The following FNBP4 variants were observed in gnomAD, a reference collection of about 807,000 sequenced individuals.
The protein encoded by FNBP4 is formin binding protein 4, also known as formin-binding protein 4.
A neutral mutation model predicts 119.3 loss-of-function variants in FNBP4; 34 were observed. That is an observed-to-expected ratio of 0.28 (90% CI 0.22 to 0.38). The LOEUF (loss-of-function observed/expected upper bound fraction) is 0.38. FNBP4 is among the 10% of genes least tolerant of loss of function. The pLI, the probability that FNBP4 is intolerant of heterozygous loss-of-function variation, is 1.00. For synonymous variants in FNBP4, 462 were observed against 430.6 expected (o/e 1.07, Z -0.90); for missense variants, 1,112 against 1,228.9 (o/e 0.90, Z 1.42).
intron 2 of FNBP4, among the ~76,000 whole-genome samples, chr11:47,760,485 G>A (rs552398732): frequency 1.1e-4 from 17 of 150,194 alleles, no homozygotes; most frequent in South Asian, 6.3e-4. Flanking sequence ...AGGCTGGAGC[G>A]CAGCAGCACA....
intron 1 of FNBP4, among the ~76,000 whole-genome samples, chr11:47,766,518 G>A (rs1000966793): frequency 1.1e-4 from 17 of 152,194 alleles, no homozygotes; most frequent in African/African-American, 4.1e-4. Context: ...TAGTCCTGGA[G>A]TCACTTTTAA....
intron 12 of FNBP4, among the ~76,000 whole-genome samples, chr11:47,728,671 G>A (rs528680895): frequency 1.5e-3 from 222 of 151,944 alleles, no homozygotes; most frequent in African/African-American, 4.9e-3. Flanking sequence ...CAAGTAGCTA[G>A]GACCACATAC....
At chr11:47,752,863 A>G (rs774193728) in intron 4 of FNBP4, 53 bp downstream of exon 4, 10 of 1,451,392 alleles carry the variant, frequency 6.9e-6, no homozygotes, top group Non-Finnish European at 9.5e-6. Flanking sequence ...GTGAATGCCT[A>G]GAATCCCTTT....
chr11:47,737,196 A>C (rs2097575466), intron 8 of FNBP4, among the ~76,000 whole-genome samples: 1 of 150,678 alleles, frequency 6.6e-6, no homozygotes, highest in Admixed American at 6.6e-5. Flanking sequence ...ATCTCAAAAA[A>C]TAAATAAATA....
Position 47,734,830 on chromosome 11 carries a change from G to A in FNBP4, c.1582-701C>T, listed in dbSNP as rs535115823. ...TCTACTAAAAATACAAAAATTAGGT[G>A]AGGATGGTGGTGCACACCTGTAGTC... On this transcript the variant is annotated intron_variant, in intron 9 of 16. Transcript: ENST00000263773. 2.6e-5 allele frequency among the ~76,000 whole-genome samples: 4 copies of A among 152,006 alleles called. No homozygotes were observed. The South Asian group carries it at 8.3e-4, about 31-fold the overall frequency.
At position 47,731,495 on chromosome 11, in the gene FNBP4, A is replaced by G. The variant is rs746260536; in HGVS notation, c.1887T>C (p.Gly629=). Reference sequence around the variant, plus strand: ...CTTGGCTTTCTTCTTCTTCCTCTTCACCATCTGGAAACTCCCACTGAGACT... The same window carrying G: ...CTTGGCTTTCTTCTTCTTCCTCTTCGCCATCTGGAAACTCCCACTGAGACT... The part of the protein sequence containing the change: ...SGESQWEFPD[G]EEEEEESQAQ... The change falls in exon 12 of 17, where the codon GGT becomes GGC. Residue 629 remains glycine (G), a synonymous_variant. Coordinates refer to ENST00000263773, the MANE Select transcript of FNBP4 (RefSeq NM_015308.5). The G allele has an allele frequency of 6.2e-7, 1 of 1,613,602 alleles. No homozygotes were observed. The highest frequency in any genetic ancestry group is 2.2e-5 in the East Asian group (1 of 44,844).
chr11:47,722,533 G>A (rs761873728), intron 15 of FNBP4, among the ~76,000 whole-genome samples: 15 of 152,034 alleles, frequency 9.9e-5, no homozygotes, highest in Non-Finnish European at 2.2e-4. Flanking sequence ...CAGCACTTGA[G>A]ACAAACAGAT....
intron 2 of FNBP4, among the ~76,000 whole-genome samples, chr11:47,763,370 CG>C (rs1327618348): frequency 1.3e-5 from 2 of 149,078 alleles, no homozygotes; most frequent in African/African-American, 4.9e-5. Context: ...CACTTCAACC[CG>C]GGAGGCAGAG....
chr11:47,742,388 G>C (rs2097583228), intron 8 of FNBP4, among the ~76,000 whole-genome samples: 1 of 130,700 alleles, frequency 7.7e-6, no homozygotes. Flanking sequence ...CTGAGGCAGA[G>C]AATTGCTTGA....
chr11:47,761,131 T>C (rs2097633386), intron 2 of FNBP4, among the ~76,000 whole-genome samples: 1 of 152,092 alleles, frequency 6.6e-6, no homozygotes, highest in African/African-American at 2.4e-5. Context: ...ACATGAAATA[T>C]TACTAAAGGG....
intron 12 of FNBP4, chr11:47,725,693 G>A: frequency 4.0e-6 from 3 of 745,572 alleles, no homozygotes; most frequent in Non-Finnish European, 4.9e-6. Flanking sequence ...TCTTTTCTCT[G>A]CTGGGAAAAC....
chr11:47,757,631 T>C lies in FNBP4; in HGVS notation c.314-2967A>G, dbSNP rs141287086. Reference sequence around the variant, plus strand: ...GCCTCAGCCTCCCGAGTAGCTGGGATTACAGGTGTGCACCACCACACCTGG... The same window carrying C: ...GCCTCAGCCTCCCGAGTAGCTGGGACTACAGGTGTGCACCACCACACCTGG... On this transcript the variant is annotated intron_variant, in intron 2 of 16. Coordinates refer to ENST00000263773, the MANE Select transcript of FNBP4 (RefSeq NM_015308.5). Among the ~76,000 whole-genome samples the C allele has an allele frequency of 1.7e-3, 261 of 152,060 alleles. 1 individual carries two copies. Among genetic ancestry groups the C allele is most frequent in the African/African-American group, 5.9e-3 (245 of 41,484 alleles).
chr11:47,734,981 C>CG (rs1166659708), intron 9 of FNBP4, among the ~76,000 whole-genome samples: 4 of 107,972 alleles, frequency 3.7e-5, no homozygotes, highest in African/African-American at 9.8e-5. Context: ...CCCCAACACC[C>CG]CCCCCCCCAA....
Position 47,717,368 on chromosome 11 carries a change from T to C in FNBP4, c.*54A>G. On this transcript the variant is annotated 3_prime_UTR_variant, in exon 17 of 17. Coordinates refer to ENST00000263773, the MANE Select transcript of FNBP4 (RefSeq NM_015308.5). ...TTTGACAATAAAACTGGTTAAGACT[T>C]TGAACTGAACACAAAACAAACAATA... 1 of 1,244,614 alleles carries C rather than the reference T, an allele frequency of 8.0e-7. No homozygotes were observed. The highest frequency in any genetic ancestry group is 1.3e-5 in the South Asian group (1 of 78,788). 77.1% of individuals were successfully genotyped at this position (1,244,614 alleles called of 1,614,324 possible).
rs371392318 is a variant in FNBP4, at chr11:47,724,560, C to T, written c.2227G>A (p.Glu743Lys). The change falls in exon 13 of 17, where the codon GAG becomes AAG. Residue 743 changes from glutamate (E) to lysine (K), a missense_variant. Physicochemically the swap from Glu to Lys is moderately conservative, Grantham distance 56. Around this residue, in one of 2 missense-constraint regions of FNBP4, gnomAD observed 826 missense variants for 988.8 expected, o/e 0.84. Coordinates refer to ENST00000263773, the MANE Select transcript of FNBP4 (RefSeq NM_015308.5). ...GGGGGCTCCTCACTTCCCTCATCCT[C>T]CATCTCTACCTCCTGGATCTCACCA... ...EDGEIQEVEM[E>K]DEGSEEPPAP... 3.5e-5 allele frequency: 57 copies of T among 1,614,010 alleles called. No homozygotes were observed. Among genetic ancestry groups the T allele is most frequent in the Non-Finnish European group, 4.3e-5 (51 of 1,180,022 alleles).
chr11:47,757,582 C>T (rs976167786), intron 2 of FNBP4, among the ~76,000 whole-genome samples: 4 of 152,000 alleles, frequency 2.6e-5, no homozygotes, highest in Admixed American at 6.6e-5. Context: ...CAACCTCCAC[C>T]TCCAGGGTTC....
intron 2 of FNBP4, among the ~76,000 whole-genome samples, chr11:47,755,495 C>T (rs1483702553): frequency 6.6e-6 from 1 of 151,760 alleles, no homozygotes; most frequent in Non-Finnish European, 1.5e-5. Context: ...ACATGTTGAT[C>T]TATGAGCCAG....
chr11:47,754,727 A>G (rs2097612707), intron 2 of FNBP4, 63 bp from the exon 3 acceptor site: 1 of 1,560,058 alleles, frequency 6.4e-7, no homozygotes, highest in Non-Finnish European at 8.7e-7. Flanking sequence ...AGAAGCATCT[A>G]AAGCGGAAGT....
At chr11:47,729,860 T>G in intron 12 of FNBP4, 1 of 985,476 alleles carries the variant, frequency 1.0e-6, no homozygotes, top group Admixed American at 6.1e-5. Context: ...GGATTTTACT[T>G]CGATCAAGTT....
Sources: gnomAD v4.1 joint callset for allele counts (sites outside exome capture counted in the v4.1 genomes callset) on GRCh38, gnomAD v4.1.1 for gene constraint, gnomAD v4.1.1 regional missense constraint, MANE v1.5 for transcripts, NCBI Gene and HGNC (gene_info 2026-07-23, HGNC 2026-07-21) for gene names.